NDRG1: variants seen among roughly 807,000 people sequenced by gnomAD.
NDRG1 encodes N-myc downstream regulated 1.
In NDRG1, 32 loss-of-function variants were observed where a neutral mutation model predicts 56.9. That is an observed-to-expected ratio of 0.56 (90% CI 0.42 to 0.76). NDRG1 has a LOEUF of 0.76. NDRG1 is among the 30% of genes least tolerant of loss of function. The pLI is 0.00. For missense variants in NDRG1, 507 were observed against 545.7 expected (o/e 0.93, Z 0.71); for synonymous variants, 211 against 204.1 (o/e 1.03, Z -0.29).
intron 1 of NDRG1, chr8:133,284,944 C>A: frequency 2.3e-6 from 1 of 437,756 alleles, no homozygotes; most frequent in Non-Finnish European, 4.6e-6. Context: ...AGGAGTTTGG[C>A]AGGCATTTGA....
At chr8:133,266,666 T>C (rs992207427) in intron 3 of NDRG1, among the ~76,000 whole-genome samples, 2 of 152,252 alleles carry the variant, frequency 1.3e-5, no homozygotes, top group Admixed American at 6.5e-5. Context: ...CCACCTCTGC[T>C]ACTTCTTACC....
chr8:133,248,564 G>T, intron 11 of NDRG1, 151 bp downstream of exon 11: 1 of 973,350 alleles, frequency 1.0e-6, no homozygotes, highest in Non-Finnish European at 1.6e-6. Context: ...GTCCAAGTCA[G>T]GCTGGGTAAT....
At chr8:133,284,649 C>A in intron 1 of NDRG1, 1 of 462,370 alleles carries the variant, frequency 2.2e-6, no homozygotes, top group Non-Finnish European at 4.2e-6. Flanking sequence ...CCACCATACC[C>A]AGGATGCAGC....
chr8:133,262,212 G>T, intron 4 of NDRG1, 45 bp from the exon 5 acceptor site: 6 of 1,611,778 alleles, frequency 3.7e-6, no homozygotes, highest in Non-Finnish European at 5.1e-6. Flanking sequence ...AGTAAGATGA[G>T]AAAAAAATTA....
At chr8:133,260,893 G>A (rs1414073821) in intron 5 of NDRG1, among the ~76,000 whole-genome samples, 1 of 152,078 alleles carries the variant, frequency 6.6e-6, no homozygotes, top group Non-Finnish European at 1.5e-5. Flanking sequence ...TTATCTCTGA[G>A]GTCTGCCACC....
Position 133,246,951 on chromosome 8 carries a change from C to T in NDRG1, c.808-288G>A, listed in dbSNP as rs73364559. On this transcript the variant is annotated intron_variant, in intron 12 of 15. Transcript: ENST00000323851. ...TCAAAAGGTTATTATGAAGATTAGC[C>T]GAAATGTAAACAGTACTGTAGAAAT... Among the ~76,000 whole-genome samples, 1,836 of 152,214 alleles carry T rather than the reference C, an allele frequency of 0.012. 44 individuals are homozygous for T. The highest frequency in any genetic ancestry group is 0.041 in the African/African-American group (1,689 of 41,534).
At position 133,254,531 on chromosome 8, in the gene NDRG1, C is replaced by A. The variant is rs767524421; in HGVS notation, c.594+8G>T. ...GGAACAACAGATTTGCCAGACCACG[C>A]AACTCACCTTCCCAAAAAGGTGGGA... On this transcript the variant is annotated splice_region_variant and intron_variant, in intron 9 of 15. Transcript: ENST00000323851. The A allele has an allele frequency of 4.4e-5, 71 of 1,614,016 alleles. No homozygotes were observed. The highest frequency in any genetic ancestry group is 6.0e-5 in the Non-Finnish European group (71 of 1,179,936).
At chr8:133,243,272 C>G (rs1338720603) in intron 14 of NDRG1, among the ~76,000 whole-genome samples, 1 of 152,174 alleles carries the variant, frequency 6.6e-6, no homozygotes, top group African/African-American at 2.4e-5. Flanking sequence ...AGAAGCAGGT[C>G]AGGGCTGCAG....
intron 10 of NDRG1, chr8:133,249,354 A>C: frequency 1.2e-5 from 2 of 161,668 alleles, no homozygotes; most frequent in Non-Finnish European, 2.7e-5. Context: ...GCAGCTCCCA[A>C]CATGAGAAGC....
chr8:133,264,758 C>T (rs1460836626), intron 3 of NDRG1, 106 bp from the exon 4 acceptor site: 1 of 955,120 alleles, frequency 1.0e-6, no homozygotes. Context: ...AAGCTCTCTT[C>T]TCATCTGGCC....
chr8:133,284,106 T>C (rs776967410), intron 2 of NDRG1, 143 bp downstream of exon 2: 64 of 759,790 alleles, frequency 8.4e-5, no homozygotes, highest in Middle Eastern at 4.6e-4. Context: ...TGCAGCATGT[T>C]TGTATGCCGT....
chr8:133,272,588 A>T (rs1236597777), intron 3 of NDRG1, among the ~76,000 whole-genome samples: 3 of 152,222 alleles, frequency 2.0e-5, no homozygotes, highest in African/African-American at 7.2e-5. Context: ...CCTGGCCTGG[A>T]CACACCTCGG....
chr8:133,247,767 G>GC, intron 12 of NDRG1, 108 bp downstream of exon 12: 1 of 1,188,064 alleles, frequency 8.4e-7, no homozygotes, highest in Non-Finnish European at 1.3e-6. Context: ...AACATCACCT[G>GC]CCCTGATGGG....
Position 133,242,008 on chromosome 8 carries a change from G to A in NDRG1, c.943+15C>T. Reference sequence around the variant, plus strand: ...CATGCCCCGACCCACTGCACACGGGGAATGCCATACTCACTGTATCCCATG... The same window carrying A: ...CATGCCCCGACCCACTGCACACGGGAAATGCCATACTCACTGTATCCCATG... On this transcript the variant is annotated intron_variant, in intron 15 of 15. Transcript: ENST00000323851. 1 of 1,614,110 alleles carries A rather than the reference G, an allele frequency of 6.2e-7. No individual in the cohort carries two copies. Among genetic ancestry groups the A allele is most frequent in the Non-Finnish European group, 8.5e-7 (1 of 1,179,970 alleles).
chr8:133,254,758 A>T, intron 8 of NDRG1, 163 bp from the exon 9 acceptor site: 1 of 718,598 alleles, frequency 1.4e-6, no homozygotes, highest in Non-Finnish European at 2.5e-6. Context: ...TCCTGTCTCC[A>T]GTTCCCTCCT....
intron 3 of NDRG1, among the ~76,000 whole-genome samples, chr8:133,268,348 C>T (rs1857019418): frequency 6.6e-6 from 1 of 152,320 alleles, no homozygotes; most frequent in South Asian, 2.1e-4. Context: ...CCTCACAGAG[C>T]ACTAACACTT....
intron 3 of NDRG1, among the ~76,000 whole-genome samples, chr8:133,279,868 A>G (rs566658436): frequency 1.3e-5 from 2 of 152,220 alleles, no homozygotes; most frequent in East Asian, 3.9e-4. Context: ...CAGTTTCCCA[A>G]GTGGAGCCAA....
chr8:133,238,954 G>T lies in NDRG1; in HGVS notation c.1109C>A (p.Ala370Asp). 6.3e-7 allele frequency: 1 copy of T among 1,577,050 alleles called. No homozygotes were observed. Reference sequence around the variant, plus strand: ...CGAGTTGGGGGTGATGTCCAGGTGGGCCCCCTCGCTGGTGTGCGAGCGGCT... The same window carrying T: ...CGAGTTGGGGGTGATGTCCAGGTGGTCCCCCTCGCTGGTGTGCGAGCGGCT... The part of the protein sequence containing the change: ...TRSRSHTSEG[A>D]HLDITPNSGA... The change falls in exon 16 of 16, where the codon GCC (alanine) becomes GAC (aspartate). Residue 370 changes from alanine to aspartate, a missense_variant. Physicochemically the swap from Ala to Asp is moderately radical, Grantham distance 126 (BLOSUM62 -2). Transcript: ENST00000323851.
intron 15 of NDRG1, chr8:133,240,277 T>C (rs1048668879): frequency 6.6e-6 from 1 of 152,158 alleles, no homozygotes; most frequent in African/African-American, 2.4e-5. Context: ...GAGGCCACAC[T>C]GAGTCAGACA....
Sources: gnomAD v4.1 joint callset for allele counts (sites outside exome capture counted in the v4.1 genomes callset) on GRCh38, gnomAD v4.1.1 for gene constraint, MANE v1.5 for transcripts, NCBI Gene and HGNC (gene_info 2026-07-23, HGNC 2026-07-21) for gene names.